DCC: variants seen among roughly 807,000 people sequenced by gnomAD.
The protein encoded by DCC is DCC netrin 1 receptor.
DCC carries 58 observed loss-of-function variants against 172.5 expected under a neutral mutation model. The ratio of observed to expected loss-of-function variants is 0.34; its 90% confidence interval spans 0.27 to 0.42. The LOEUF is 0.42. Ranked by LOEUF, DCC falls within the 10% of genes least tolerant of loss-of-function variation. DCC has a pLI of 1.00. For synonymous variants in DCC, 709 were observed against 644.5 expected (o/e 1.10, Z -1.52); for missense variants, 1,740 against 1,791.0 (o/e 0.97, Z 0.51).
chr18:53,450,309 A>G (rs574989551), intron 22 of DCC, among the ~76,000 whole-genome samples, 191 bp from the exon 23 acceptor site: 1 of 152,158 alleles, frequency 6.6e-6, no homozygotes, highest in Non-Finnish European at 1.5e-5. Context: ...TTGTGCAGGC[A>G]TAGGTTTTTA....
At chr18:53,194,882 C>A (rs546764977) in intron 9 of DCC, among the ~76,000 whole-genome samples, 2 of 152,176 alleles carry the variant, frequency 1.3e-5, no homozygotes, top group Non-Finnish European at 2.9e-5. Context: ...TCTTCATGTT[C>A]TTCTAACAAT....
Position 53,081,710 on chromosome 18 carries a change from G to A in DCC, c.1261+15544G>A, listed in dbSNP as rs191347276. 2.0e-4 allele frequency among the ~76,000 whole-genome samples: 31 copies of A among 152,044 alleles called. No homozygotes were observed. In the East Asian group the frequency reaches 5.8e-3, roughly 28 times the overall value. On this transcript the variant is annotated intron_variant, in intron 7 of 28. Coordinates refer to ENST00000442544, the MANE Select transcript of DCC (RefSeq NM_005215.4). ...AGGTACCGCTTGTAAGCAGGCCCCC[G>A]CTTTTTCTATCTCGGGTGGCCAAAT...
At chr18:52,848,972 A>G (rs1488102150) in intron 2 of DCC, among the ~76,000 whole-genome samples, 2 of 152,234 alleles carry the variant, frequency 1.3e-5, no homozygotes, top group African/African-American at 4.8e-5. Flanking sequence ...ATGAAATAAA[A>G]TAATGCCCAT....
chr18:52,868,426 C>A (rs1220467565), intron 2 of DCC, among the ~76,000 whole-genome samples: 1 of 152,136 alleles, frequency 6.6e-6, no homozygotes, highest in African/African-American at 2.4e-5. Context: ...ATGCGTGTAG[C>A]ATCTCTGATA....
chr18:53,355,980 A>G (rs2057873766), intron 15 of DCC, among the ~76,000 whole-genome samples: 1 of 152,108 alleles, frequency 6.6e-6, no homozygotes, highest in Non-Finnish European at 1.5e-5. Context: ...ATTTCTTCAC[A>G]TAGTTTTTCT....
chr18:53,185,178 A>G (rs1014907057), intron 9 of DCC, among the ~76,000 whole-genome samples: 1 of 152,208 alleles, frequency 6.6e-6, no homozygotes, highest in Non-Finnish European at 1.5e-5. Context: ...TTAAAAATTT[A>G]TGGTTTAGTA....
chr18:52,415,628 G>A (rs1986994784), intron 1 of DCC, among the ~76,000 whole-genome samples: 1 of 152,114 alleles, frequency 6.6e-6, no homozygotes, highest in Non-Finnish European at 1.5e-5. Flanking sequence ...AATTGCGAGA[G>A]TATGGAGAGG....
intron 21 of DCC, among the ~76,000 whole-genome samples, chr18:53,426,435 AT>A (rs372844582): frequency 1.1e-3 from 164 of 143,394 alleles, no homozygotes; most frequent in Non-Finnish European, 2.1e-3. Flanking sequence ...ATATATTTAT[AT>A]TATTTATATA....
chr18:52,880,168 G>T (rs1417326351), intron 2 of DCC, among the ~76,000 whole-genome samples: 1 of 151,348 alleles, frequency 6.6e-6, no homozygotes, highest in Non-Finnish European at 1.5e-5. Flanking sequence ...GTTTCACTCT[G>T]TCACCCAGGC....
rs567054310 is a variant in DCC at position 53,089,112 on chromosome 18, G to A, written c.1261+22946G>A. 1.6e-4 allele frequency among the ~76,000 whole-genome samples: 24 copies of A among 152,208 alleles called. No homozygotes were observed. In the South Asian group the frequency reaches 5.0e-3, roughly 32 times the overall value. ...TTGTTGTTGCTTGTTTTGAGACAGA[G>A]TCTCGCTCTGCCTCCCAGGCTGGAG... On this transcript the variant is annotated intron_variant, in intron 7 of 28. Transcript: ENST00000442544.
chr18:53,103,220 C>G (rs2043198137), intron 7 of DCC, among the ~76,000 whole-genome samples: 1 of 151,914 alleles, frequency 6.6e-6, no homozygotes, highest in Non-Finnish European at 1.5e-5. Context: ...ACTACAAATC[C>G]AGGCCCAGCT....
At chr18:52,632,761 T>C (rs1199164510) in intron 1 of DCC, among the ~76,000 whole-genome samples, 2 of 152,242 alleles carry the variant, frequency 1.3e-5, no homozygotes, top group African/African-American at 4.8e-5. Context: ...TTCTGCTTAT[T>C]TTTATAGATT....
intron 7 of DCC, among the ~76,000 whole-genome samples, chr18:53,082,008 T>C (rs2042813904): frequency 6.6e-6 from 1 of 152,086 alleles, no homozygotes. Context: ...CGATCAAGAA[T>C]GGTAATTTAC....
Position 52,491,014 on chromosome 18 carries a change from G to T in DCC, c.91+150136G>T, listed in dbSNP as rs140797322. On this transcript the variant is annotated intron_variant, in intron 1 of 28. Coordinates refer to ENST00000442544, the MANE Select transcript of DCC (RefSeq NM_005215.4). The stretch of plus-strand genomic sequence containing the variant: ...AGAAGTAAATACACACAGAAGGGGG[G>T]CCCACATTGCAAAGGCAAGCAACTT... Among the ~76,000 whole-genome samples the T allele has an allele frequency of 4.7e-4, 72 of 152,176 alleles. 1 individual carries two copies. The East Asian group carries it at 0.013, about 27-fold the overall frequency.
At chr18:53,003,826 A>G (rs1054015714) in intron 5 of DCC, among the ~76,000 whole-genome samples, 11 of 152,114 alleles carry the variant, frequency 7.2e-5, no homozygotes, top group Admixed American at 2.6e-4. Context: ...ACCTTCTGCT[A>G]AGGCATGCAT....
intron 5 of DCC, among the ~76,000 whole-genome samples, chr18:53,048,561 GTATA>G (rs1328836635): frequency 7.3e-6 from 1 of 136,822 alleles, no homozygotes; most frequent in Admixed American, 7.0e-5. Context: ...ATGCATATGT[GTATA>G]TGTATGTGTG....
chr18:53,185,608 A>G (rs1223892085), intron 9 of DCC, among the ~76,000 whole-genome samples: 2 of 152,190 alleles, frequency 1.3e-5, no homozygotes, highest in Admixed American at 6.6e-5. Flanking sequence ...GAATTCATAT[A>G]TGATTACTGG....
intron 21 of DCC, among the ~76,000 whole-genome samples, chr18:53,430,895 A>C (rs1911569771): frequency 6.6e-6 from 1 of 152,120 alleles, no homozygotes; most frequent in African/African-American, 2.4e-5. Context: ...CAGGGAGATC[A>C]AGAAGACTTT....
At chr18:52,971,127 G>A (rs1048853009) in intron 5 of DCC, among the ~76,000 whole-genome samples, 4 of 152,012 alleles carry the variant, frequency 2.6e-5, no homozygotes, top group African/African-American at 9.7e-5. Context: ...TTCAACCCCA[G>A]GGGCAGAAAA....
Sources: gnomAD v4.1 joint callset for allele counts (sites outside exome capture counted in the v4.1 genomes callset) on GRCh38, gnomAD v4.1.1 for gene constraint, MANE v1.5 for transcripts, NCBI Gene and HGNC (gene_info 2026-07-23, HGNC 2026-07-21) for gene names.